The following NDRG2 variants were observed in gnomAD, a reference collection of about 807,000 sequenced individuals.
NDRG2 encodes NDRG family member 2, also known as protein NDRG2.
NDRG2 carries 34 observed loss-of-function variants against 58.2 expected under a neutral mutation model. The observed-to-expected ratio is 0.58, with a 90% CI of 0.44 to 0.78. The LOEUF (loss-of-function observed/expected upper bound fraction) is 0.78. NDRG2 is among the 30% of genes least tolerant of loss of function. The pLI, the probability that NDRG2 is intolerant of heterozygous loss-of-function variation, is 0.00. For missense variants in NDRG2, 434 were observed against 471.2 expected (o/e 0.92, Z 0.73); for synonymous variants, 187 against 175.9 (o/e 1.06, Z -0.50).
At chr14:21,018,741 C>A in intron 12 of NDRG2, 22 bp downstream of exon 12, 1 of 1,614,034 alleles carries the variant, frequency 6.2e-7, no homozygotes, top group Non-Finnish European at 8.5e-7. Flanking sequence ...CTCCCTCACT[C>A]ACCCCAAAAT....
upstream of NDRG2, among the ~76,000 whole-genome samples, chr14:21,028,252 T>A (rs1883828163): frequency 6.6e-6 from 1 of 151,810 alleles, no homozygotes; most frequent in Non-Finnish European, 1.5e-5. Context: ...TTTTGTTTTG[T>A]TTTGTTTTGT....
At chr14:21,059,485 G>GT (rs60728641) in intron 1 of NDRG2, among the ~76,000 whole-genome samples, 6,227 of 150,524 alleles carry the variant, frequency 0.041, 415 homozygotes, top group African/African-American at 0.14. Context: ...GTTTTTTTGG[G>GT]TTTTTTTTTT....
At chr14:21,054,793 A>G (rs1179227531) in intron 1 of NDRG2, among the ~76,000 whole-genome samples, 3 of 152,200 alleles carry the variant, frequency 2.0e-5, no homozygotes, top group African/African-American at 4.8e-5. Flanking sequence ...CAGTTTATAT[A>G]TAAAGTTGTA....
chr14:21,055,788 AC>A (rs1200585178), intron 1 of NDRG2, among the ~76,000 whole-genome samples: 1 of 152,086 alleles, frequency 6.6e-6, no homozygotes, highest in Non-Finnish European at 1.5e-5. Context: ...TCACTTGGTA[AC>A]CCTTCCATCC....
chr14:21,040,332 A>AC (rs1884831006), intron 1 of NDRG2, among the ~76,000 whole-genome samples: 1 of 151,806 alleles, frequency 6.6e-6, no homozygotes, highest in East Asian at 1.9e-4. Context: ...CTTCATCCTG[A>AC]CCCCCAACCC....
chr14:21,026,583 G>A (rs1883662946), upstream of NDRG2, among the ~76,000 whole-genome samples: 2 of 151,046 alleles, frequency 1.3e-5, no homozygotes, highest in East Asian at 2.0e-4. Context: ...CCACTTGGCA[G>A]GGTCTACTGG....
At chr14:21,030,737 CGT>C, upstream of NDRG2, 1 of 1,614,032 alleles carries the variant, frequency 6.2e-7, no homozygotes, top group Non-Finnish European at 8.5e-7. Context: ...ACGTGGACAT[CGT>C]GTTCAGCAAA....
chr14:21,064,553 C>G (rs1047327337), intron 1 of NDRG2, among the ~76,000 whole-genome samples: 1 of 152,306 alleles, frequency 6.6e-6, no homozygotes. Flanking sequence ...CCGCCCACCT[C>G]GGCCTCCCAA....
At chr14:21,030,535 A>T, upstream of NDRG2, 1 of 1,578,776 alleles carries the variant, frequency 6.3e-7, no homozygotes, top group South Asian at 1.2e-5. Flanking sequence ...CTTCTCCTTC[A>T]CCCCCAAGTG....
At chr14:21,021,771 T>C in intron 6 of NDRG2, 46 bp downstream of exon 6, 1 of 1,587,834 alleles carries the variant, frequency 6.3e-7, no homozygotes, top group Non-Finnish European at 8.6e-7. Context: ...GGTCTCCTTG[T>C]GCTGGAAAGA....
chr14:21,045,321 G>A (rs1348523569), intron 1 of NDRG2, among the ~76,000 whole-genome samples: 1 of 152,172 alleles, frequency 6.6e-6, no homozygotes, highest in African/African-American at 2.4e-5. Flanking sequence ...AACAGAATGA[G>A]GGCCAATAAG....
chr14:21,053,337 C>G (rs767407030), intron 1 of NDRG2, among the ~76,000 whole-genome samples: 1 of 152,034 alleles, frequency 6.6e-6, no homozygotes, highest in Non-Finnish European at 1.5e-5. Flanking sequence ...GAAAAATTAG[C>G]CGCACTTTGG....
intron 3 of NDRG2, 104 bp from the exon 4 acceptor site, chr14:21,022,601 A>G (rs1437768559): frequency 9.9e-6 from 8 of 808,850 alleles, no homozygotes; most frequent in Non-Finnish European, 1.6e-5. Flanking sequence ...AAGAGGGAAA[A>G]GGGAACAAAG....
rs768702324 is a variant in NDRG2 at position 21,020,589 on chromosome 14, G to A, written c.469-7C>T. On this transcript the variant is annotated splice_region_variant and splice_polypyrimidine_tract_variant and intron_variant, in intron 7 of 15. Coordinates refer to ENST00000556147, the MANE Select transcript of NDRG2 (RefSeq NM_001320329.2). ...CAGTGTCCGGGTGGTTAAGCTGAGG[G>A]ACAGCAGAAGGAAGGAAATGAGAAA... 1 of 1,613,002 alleles carries A rather than the reference G, an allele frequency of 6.2e-7. No individual in the cohort carries two copies. Among genetic ancestry groups the A allele is most frequent in the African/African-American group, 1.3e-5 (1 of 74,864 alleles).
At chr14:21,033,420 T>G in intron 1 of NDRG2, 1 of 279,788 alleles carries the variant, frequency 3.6e-6, no homozygotes, top group Non-Finnish European at 6.9e-6. Context: ...AGAAGGCTGG[T>G]GGGGATGGGG....
At chr14:21,029,158 A>C (rs1220167909), upstream of NDRG2, 1 of 152,230 alleles carries the variant, frequency 6.6e-6, no homozygotes, top group African/African-American at 2.4e-5. Context: ...TAATGTTTCT[A>C]TTGCGACTGG....
chr14:21,058,446 A>C, intron 1 of NDRG2: 1 of 929,148 alleles, frequency 1.1e-6, no homozygotes, highest in African/African-American at 1.7e-5. Flanking sequence ...CTTGCTCCCC[A>C]CTGCAAATGC....
chr14:21,066,125 C>A (rs1886249942), intron 1 of NDRG2, among the ~76,000 whole-genome samples: 1 of 151,968 alleles, frequency 6.6e-6, no homozygotes. Context: ...ACAACAAAAA[C>A]CTGAAAAGCT....
At chr14:21,057,010 A>G (rs2139147330) in intron 1 of NDRG2, among the ~76,000 whole-genome samples, 1 of 152,282 alleles carries the variant, frequency 6.6e-6, no homozygotes, top group African/African-American at 2.4e-5. Context: ...TTCTAACTTC[A>G]GTGAGAAACT....
Sources: allele counts gnomAD v4.1 joint callset (sites outside exome capture counted in the v4.1 genomes callset), GRCh38; gene constraint gnomAD v4.1.1; transcripts MANE v1.5; gene names NCBI Gene and HGNC (gene_info 2026-07-23, HGNC 2026-07-21).